YWHAE: variants seen among roughly 807,000 people sequenced by gnomAD.
YWHAE encodes 14-3-3 protein epsilon.
YWHAE carries 4 observed loss-of-function variants against 30.1 expected under a neutral mutation model. The ratio of observed to expected loss-of-function variants is 0.13; its 90% CI spans 0.07 to 0.30. The LOEUF (loss-of-function observed/expected upper bound fraction) is 0.30. Among genes scored for constraint, YWHAE ranks in the 10% least tolerant of loss-of-function variants. The probability of loss-of-function intolerance (pLI) is 1.00; values close to 1 mark genes in which losing one functional copy is unlikely to be tolerated. For missense variants in YWHAE, 121 were observed against 315.9 expected, an observed-to-expected ratio of 0.38 and a Z score of 4.68; for synonymous variants, 118 against 111.8, an observed-to-expected ratio of 1.06 and a Z score of -0.35.
chr17:1,370,642 G>C (rs2073026331), intron 1 of YWHAE, among the ~76,000 whole-genome samples: 1 of 152,044 alleles, frequency 6.6e-6, no homozygotes, highest in Non-Finnish European at 1.5e-5. Context: ...TGTTGGTGAG[G>C]CTGGTCTTAA....
At chr17:1,354,126 AACG>A (rs2072687618) in intron 5 of YWHAE, 82 bp downstream of exon 5, 1 of 1,504,062 alleles carries the variant, frequency 6.6e-7, no homozygotes, top group Non-Finnish European at 8.9e-7. Flanking sequence ...AGCTTGATAT[AACG>A]ACAAGCCAAG....
At chr17:1,398,564 T>C (rs1373176488) in intron 1 of YWHAE, among the ~76,000 whole-genome samples, 1 of 152,076 alleles carries the variant, frequency 6.6e-6, no homozygotes, top group Non-Finnish European at 1.5e-5. Context: ...TATAGGTATT[T>C]TAATTAGGAA....
chr17:1,359,361 G>A (rs901238148), intron 4 of YWHAE, among the ~76,000 whole-genome samples: 9 of 151,142 alleles, frequency 6.0e-5, no homozygotes, highest in Non-Finnish European at 1.2e-4. Context: ...TCAAGGTGAA[G>A]TTAAATACAA....
chr17:1,378,692 C>T (rs1439503507), intron 1 of YWHAE, among the ~76,000 whole-genome samples: 1 of 152,208 alleles, frequency 6.6e-6, no homozygotes, highest in African/African-American at 2.4e-5. Context: ...CGCCTGTAAT[C>T]CCAGCACTTT....
At chr17:1,355,723 G>T (rs943289872) in intron 4 of YWHAE, among the ~76,000 whole-genome samples, 3 of 152,112 alleles carry the variant, frequency 2.0e-5, no homozygotes, top group African/African-American at 2.4e-5. Context: ...ATGGAGGGTA[G>T]ACAAATACAT....
intron 5 of YWHAE, among the ~76,000 whole-genome samples, chr17:1,346,095 C>G (rs770894440): frequency 2.5e-4 from 38 of 152,162 alleles, no homozygotes; most frequent in Non-Finnish European, 4.0e-4. Flanking sequence ...CAAAGTAAAT[C>G]AGACCACTGA....
chr17:1,345,549 T>C, intron 5 of YWHAE, 50 bp from the exon 6 acceptor site: 1 of 1,581,086 alleles, frequency 6.3e-7, no homozygotes, highest in Non-Finnish European at 8.7e-7. Flanking sequence ...TACATTAGGC[T>C]ATGGCAGCCA....
rs1491440422 is a variant in YWHAE at position 1,362,022 on chromosome 17, AAT to A, written c.265-16_265-15del. On this transcript the variant is annotated splice_polypyrimidine_tract_variant and intron_variant, in intron 2 of 5. Transcript: ENST00000264335. ...CTCAGTCTCAACCTAAAAAAAAAAAAATTTTTTTTAAATCAGATTAAGTCTAG... is the reference window on the plus strand; with the variant it reads ...CTCAGTCTCAACCTAAAAAAAAAAAATTTTTTTAAATCAGATTAAGTCTAG... The A allele has an allele frequency of 8.2e-5, 123 of 1,502,534 alleles. No homozygotes were observed. The highest frequency in any genetic ancestry group is 1.8e-4 in the Middle Eastern group (1 of 5,596). The allele number at this position is 1,502,534 out of a possible 1,614,324, so 93.1% of individuals were successfully genotyped here. A position where few individuals can be genotyped will look rare whatever the true frequency, so the allele number is the denominator to read the frequency against.
chr17:1,357,676 G>T (rs550210310), intron 4 of YWHAE, among the ~76,000 whole-genome samples: 5 of 150,558 alleles, frequency 3.3e-5, no homozygotes, highest in African/African-American at 7.3e-5. Context: ...CTGTAATCTC[G>T]GCACTTTGGG....
intron 1 of YWHAE, among the ~76,000 whole-genome samples, chr17:1,384,952 C>T (rs919078203): frequency 2.0e-5 from 3 of 151,912 alleles, no homozygotes; most frequent in African/African-American, 4.8e-5. Flanking sequence ...CACAGATGAT[C>T]TGCCTGCCTT....
At chr17:1,365,822 TGCATTTTAGG>T (rs2072933339) in intron 1 of YWHAE, among the ~76,000 whole-genome samples, 1 of 152,186 alleles carries the variant, frequency 6.6e-6, no homozygotes, top group Admixed American at 6.6e-5. Context: ...CTCAAGAATC[TGCATTTTAGG>T]GCCAGGAGTA....
chr17:1,354,393 CAGAATT>C, intron 4 of YWHAE, 46 bp from the exon 5 acceptor site: 1 of 1,588,596 alleles, frequency 6.3e-7, no homozygotes, highest in Non-Finnish European at 8.6e-7. Flanking sequence ...AGTCCAAAAT[CAGAATT>C]AGAAATGACA....
rs1171914224 is a variant in YWHAE at position 1,354,151 on chromosome 17, G to T, written c.715+60C>A. ...AACGACAAGCCAAGGAATGTCTAAA[G>T]AGAGTACAAACAAATCCTGCAACTG... On this transcript the variant is annotated intron_variant, in intron 5 of 5. Coordinates refer to ENST00000264335, the MANE Select transcript of YWHAE (RefSeq NM_006761.5). The T allele has an allele frequency of 5.7e-6, 9 of 1,585,594 alleles. No homozygotes were observed. In the African/African-American group the frequency reaches 1.2e-4, roughly 21 times the overall value.
intron 1 of YWHAE, among the ~76,000 whole-genome samples, chr17:1,372,647 GGGA>G: frequency 6.6e-6 from 1 of 152,268 alleles, no homozygotes; most frequent in East Asian, 1.9e-4. Context: ...TAAGCCTAAC[GGGA>G]GGGAGAGAGA....
At chr17:1,376,901 C>T (rs9303097) in intron 1 of YWHAE, among the ~76,000 whole-genome samples, 17,007 of 151,230 alleles carry the variant, frequency 0.11, 2,987 homozygotes, top group African/African-American at 0.38. Flanking sequence ...GTTCCTCTTA[C>T]CAAAGCACAC....
At chr17:1,399,311 G>A (rs2073526530) in intron 1 of YWHAE, 2 of 152,286 alleles carry the variant, frequency 1.3e-5, no homozygotes, top group South Asian at 4.1e-4. Flanking sequence ...CTCCCCAGAA[G>A]ACGACGAGGA....
intron 1 of YWHAE, among the ~76,000 whole-genome samples, chr17:1,365,420 G>A (rs2072927207): frequency 1.3e-5 from 2 of 152,130 alleles, no homozygotes; most frequent in Non-Finnish European, 2.9e-5. Context: ...GAATTTACAG[G>A]TTCTAAAATG....
chr17:1,357,272 G>A (rs1171426888), intron 4 of YWHAE, among the ~76,000 whole-genome samples: 5 of 151,908 alleles, frequency 3.3e-5, no homozygotes, highest in Admixed American at 6.6e-5. Flanking sequence ...GCGTGGTGGC[G>A]GGCGCCTGTA....
At chr17:1,381,033 T>C (rs1186574390) in intron 1 of YWHAE, among the ~76,000 whole-genome samples, 2 of 152,204 alleles carry the variant, frequency 1.3e-5, no homozygotes, top group Non-Finnish European at 2.9e-5. Flanking sequence ...GTAACGATTT[T>C]ATTACTCACA....
Sources: allele counts gnomAD v4.1 joint callset (sites outside exome capture counted in the v4.1 genomes callset), GRCh38; gene constraint gnomAD v4.1.1; transcripts MANE v1.5; gene names NCBI Gene and HGNC (gene_info 2026-07-23, HGNC 2026-07-21).